The following ZFYVE28 variants were observed in gnomAD, a reference collection of about 807,000 sequenced individuals.
The protein encoded by ZFYVE28 is lateral signaling target protein 2 homolog.
A neutral mutation model predicts 82.1 loss-of-function variants in ZFYVE28; 40 were observed. That is an observed-to-expected ratio of 0.49 (90% CI 0.38 to 0.63). The LOEUF is 0.63. ZFYVE28 is among the 30% of genes least tolerant of loss of function. The pLI, the probability that ZFYVE28 is intolerant of heterozygous loss-of-function variation, is 0.00. For synonymous variants in ZFYVE28, 612 were observed against 546.1 expected (o/e 1.12, Z -1.68); for missense variants, 1,321 against 1,242.1 (o/e 1.06, Z -0.96).
chr4:2,368,794 G>C (rs973419355), intron 1 of ZFYVE28, among the ~76,000 whole-genome samples: 1 of 152,212 alleles, frequency 6.6e-6, no homozygotes, highest in African/African-American at 2.4e-5. Context: ...TTTTTGTGGG[G>C]ACATATGTTT....
At chr4:2,368,218 A>AAAAAAG (rs1553856555) in intron 1 of ZFYVE28, among the ~76,000 whole-genome samples, 1 of 131,802 alleles carries the variant, frequency 7.6e-6, no homozygotes, top group African/African-American at 2.7e-5. Flanking sequence ...CTACAAAAAA[A>AAAAAAG]AAAAAAAAAA....
intron 8 of ZFYVE28, among the ~76,000 whole-genome samples, chr4:2,299,336 C>A (rs977411884): frequency 5.9e-5 from 9 of 151,848 alleles, no homozygotes; most frequent in Non-Finnish European, 1.3e-4. Context: ...GAAGTGTTGG[C>A]GAGGGATGGC....
rs141782371 is a variant in ZFYVE28 at position 2,384,528 on chromosome 4, C to T, written c.40-30455G>A. The stretch of plus-strand genomic sequence containing the variant: ...GAGCAGGAGTGAGTTTAAGCAAGAA[C>T]GAGAGGAGGGGAAGGGACCAGGCAG... On this transcript the variant is annotated intron_variant, in intron 1 of 12. Transcript: ENST00000290974. Among the ~76,000 whole-genome samples, 244 of 151,986 alleles carry T rather than the reference C, an allele frequency of 1.6e-3. 2 individuals are homozygous for T. Among genetic ancestry groups the T allele is most frequent in the Middle Eastern group, 0.014 (4 of 294 alleles).
At chr4:2,293,768 AAAAT>A (rs1309269886) in intron 8 of ZFYVE28, among the ~76,000 whole-genome samples, 1 of 151,490 alleles carries the variant, frequency 6.6e-6, no homozygotes, top group Admixed American at 6.6e-5. Context: ...AAAAAAAAAA[AAAAT>A]CTTCTAGAAG....
chr4:2,331,477 AT>A (rs201288792), intron 6 of ZFYVE28, among the ~76,000 whole-genome samples: 2,962 of 149,850 alleles, frequency 0.02, 100 homozygotes, highest in African/African-American at 0.069. Context: ...CCCTGTCTCT[AT>A]TTTTTTTTTA....
At chr4:2,403,599 G>A (rs575515446) in intron 1 of ZFYVE28, among the ~76,000 whole-genome samples, 177 of 152,126 alleles carry the variant, frequency 1.2e-3, no homozygotes, top group Non-Finnish European at 2.1e-3. Context: ...CACACAGCAG[G>A]GCCATAGATG....
chr4:2,278,064 C>T (rs1736635471), intron 8 of ZFYVE28, among the ~76,000 whole-genome samples: 1 of 152,160 alleles, frequency 6.6e-6, no homozygotes, highest in African/African-American at 2.4e-5. Context: ...CCAAGACCAA[C>T]CAGGAAAGAA....
intron 8 of ZFYVE28, among the ~76,000 whole-genome samples, chr4:2,278,434 CA>C (rs148512629): frequency 0.053 from 8,108 of 152,054 alleles, 503 homozygotes; most frequent in East Asian, 0.17. Flanking sequence ...GTGATCCACC[CA>C]CCTCAGCCTC....
At chr4:2,313,807 C>T (rs1247788366) in intron 7 of ZFYVE28, among the ~76,000 whole-genome samples, 1 of 150,500 alleles carries the variant, frequency 6.6e-6, no homozygotes. Context: ...CGAGATCGCA[C>T]CACTGCACTC....
In ZFYVE28 at chr4:2,412,998, A is replaced by G. The variant is rs187824852; in HGVS notation, c.39+5287T>C. On this transcript the variant is annotated intron_variant, in intron 1 of 12. Transcript: ENST00000290974. ...CTGACTCGCCCATTTAACAGAAACC[A>G]TACCAGACGTTTCCAGTAAGCGCCC... 3.9e-5 allele frequency among the ~76,000 whole-genome samples: 6 copies of G among 152,172 alleles called. No individual in the cohort carries two copies. In the East Asian group the frequency reaches 7.7e-4, roughly 20 times the overall value.
At chr4:2,297,260 A>T (rs1714728690) in intron 8 of ZFYVE28, among the ~76,000 whole-genome samples, 1 of 152,122 alleles carries the variant, frequency 6.6e-6, no homozygotes, top group South Asian at 2.1e-4. Context: ...GCCCAGGAGG[A>T]TTTGCAGCAG....
intron 8 of ZFYVE28, among the ~76,000 whole-genome samples, chr4:2,297,446 G>A (rs1714762334): frequency 6.6e-6 from 1 of 152,224 alleles, no homozygotes. Context: ...CAGGTGGGGC[G>A]CGGTGGGTGG....
intron 1 of ZFYVE28, among the ~76,000 whole-genome samples, chr4:2,377,237 G>A (rs1180624924): frequency 2.0e-5 from 3 of 152,134 alleles, no homozygotes; most frequent in South Asian, 2.1e-4. Flanking sequence ...TAGCCAGGAT[G>A]GTCTCGATCT....
chr4:2,376,822 AGG>A (rs762651531), intron 1 of ZFYVE28, among the ~76,000 whole-genome samples: 1 of 152,146 alleles, frequency 6.6e-6, no homozygotes, highest in Non-Finnish European at 1.5e-5. Context: ...GCTACTTGGG[AGG>A]CTAAGATGGA....
intron 2 of ZFYVE28, 76 bp downstream of exon 2, chr4:2,353,857 C>G: frequency 7.6e-7 from 1 of 1,319,524 alleles, no homozygotes; most frequent in Admixed American, 3.8e-5. Context: ...GGTGACAAAG[C>G]CTTGGTCTAC....
intron 6 of ZFYVE28, among the ~76,000 whole-genome samples, chr4:2,329,899 T>C (rs1278942788): frequency 1.3e-5 from 2 of 152,336 alleles, no homozygotes; most frequent in East Asian, 3.9e-4. Flanking sequence ...TTTGTGGATA[T>C]ATATTTGTGC....
chr4:2,404,973 C>T (rs1731699971), intron 1 of ZFYVE28, among the ~76,000 whole-genome samples: 1 of 151,448 alleles, frequency 6.6e-6, no homozygotes, highest in South Asian at 2.1e-4. Context: ...TCAAGCAATC[C>T]GTCCCCCTTG....
intron 7 of ZFYVE28, chr4:2,318,898 CTG>C (rs1718632615): frequency 6.6e-6 from 1 of 152,378 alleles, no homozygotes; most frequent in Non-Finnish European, 1.5e-5. Flanking sequence ...TTTTAATTAG[CTG>C]GGCATGGTGG....
rs774248298 is a variant in ZFYVE28, at chr4:2,305,191, G to T, written c.1149C>A (p.Ala383=). The change falls in exon 8 of 13, where the codon GCC becomes GCA. Residue 383 remains alanine (A), a synonymous_variant. Coordinates refer to ENST00000290974, the MANE Select transcript of ZFYVE28 (RefSeq NM_020972.3). The part of the protein sequence containing the change: ...PGAEGSPGGE[A]SPGRPRLRSG... ...ACCGCAGGCGCGGTCTACCTGGAGA[G>T]GCCTCCCCGCCTGGGCTGCCCTCCG... 8 of 1,600,864 alleles carry T rather than the reference G, an allele frequency of 5.0e-6. 1 individual carries two copies. The South Asian group carries it at 8.9e-5, about 18-fold the overall frequency.
Sources: gnomAD v4.1 joint callset for allele counts (sites outside exome capture counted in the v4.1 genomes callset) on GRCh38, gnomAD v4.1.1 for gene constraint, MANE v1.5 for transcripts, NCBI Gene and HGNC (gene_info 2026-07-23, HGNC 2026-07-21) for gene names.